SORBS2: variants seen among roughly 807,000 people sequenced by gnomAD.
SORBS2 encodes sorbin and SH3 domain-containing protein 2.
A neutral mutation model predicts 97.7 loss-of-function variants in SORBS2; 46 were observed. That is an observed-to-expected ratio of 0.47 (90% CI 0.37 to 0.60). The LOEUF (loss-of-function observed/expected upper bound fraction) is 0.60, where lower values mean the gene tolerates loss of function less well. Among genes scored for constraint, SORBS2 ranks in the 20% least tolerant of loss-of-function variants. SORBS2 has a pLI of 0.00. For missense variants in SORBS2, 1,316 were observed against 1,282.3 expected (o/e 1.03, Z -0.40); for synonymous variants, 476 against 473.4 (o/e 1.01, Z -0.07).
chr4:185,725,232 AT>A (rs2098547485), intron 2 of SORBS2, among the ~76,000 whole-genome samples: 1 of 152,180 alleles, frequency 6.6e-6, no homozygotes. Flanking sequence ...GCTATAATCC[AT>A]TAGTTACAAA....
At chr4:185,873,941 C>T (rs1292018227) in intron 1 of SORBS2, among the ~76,000 whole-genome samples, 1 of 152,006 alleles carries the variant, frequency 6.6e-6, no homozygotes, top group East Asian at 1.9e-4. Flanking sequence ...TAACTTTTTG[C>T]TTTGCTAGCT....
At chr4:185,894,063 T>C (rs2149810201) in intron 1 of SORBS2, among the ~76,000 whole-genome samples, 1 of 152,332 alleles carries the variant, frequency 6.6e-6, no homozygotes, top group South Asian at 2.1e-4. Context: ...TCAGAGCTAT[T>C]CCTGTGTTCT....
At position 185,623,677 on chromosome 4, in the gene SORBS2, G is replaced by A. The variant is rs769664741; in HGVS notation, c.1452C>T (p.His484=). ...GCTGCTCATCGCTGGTGACTTCAAT[G>A]TGAATGGGCACCAGGGCGTTAGACT... Residue 484 remains histidine (H), a synonymous_variant, in exon 7 of 15, where the codon CAC becomes CAT. Coordinates refer to ENST00000418609, the Ensembl canonical transcript of SORBS2. This position sits in a 1 kb window ranked among gnomAD's most constrained non-coding sequence, Gnocchi z 6.4. 2 of 1,614,086 alleles carry A rather than the reference G, an allele frequency of 1.2e-6. No individual in the cohort carries two copies. Among genetic ancestry groups the A allele is most frequent in the Non-Finnish European group, 8.5e-7 (1 of 1,180,036 alleles).
intron 11 of SORBS2, among the ~76,000 whole-genome samples, chr4:185,612,842 G>A (rs2096562972): frequency 1.3e-5 from 2 of 152,136 alleles, no homozygotes; most frequent in Non-Finnish European, 2.9e-5. Context: ...GAACTAAAGG[G>A]ATGGGGGAAA....
Position 185,766,159 on chromosome 4 carries a change from G to A in SORBS2, c.-198+9068C>T, listed in dbSNP as rs549882294. On this transcript the variant is annotated intron_variant, in intron 2 of 20. Coordinates refer to the SORBS2 transcript ENST00000284776. ...GCGTGGATCCCTTAGTCTGACATCT[G>A]ACATCCTTCTTGAATTTGCACTGAA... Among the ~76,000 whole-genome samples the A allele has an allele frequency of 6.6e-5, 10 of 152,274 alleles. No homozygotes were observed. The South Asian group carries it at 2.1e-3, about 32-fold the overall frequency.
At chr4:185,814,418 G>A (rs1415774306) in intron 1 of SORBS2, among the ~76,000 whole-genome samples, 3 of 151,958 alleles carry the variant, frequency 2.0e-5, no homozygotes, top group Admixed American at 6.5e-5. Context: ...GTGCACGCCT[G>A]TGGTCCCAGC....
In SORBS2 at chr4:185,755,381, ACTATC is replaced by A. The variant is rs1424648394; in HGVS notation, c.-198+19841_-198+19845del. Among the ~76,000 whole-genome samples, 3 of 152,372 alleles carry A rather than the reference ACTATC, an allele frequency of 2.0e-5. No individual in the cohort carries two copies. The East Asian group carries it at 5.8e-4, about 29-fold the overall frequency. On this transcript the variant is annotated intron_variant, in intron 2 of 20. Transcript: ENST00000284776. The stretch of plus-strand genomic sequence containing the variant: ...CACTTGGAATGTGACCATAGACTCC[ACTATC>A]CTTAGACTACATCAAAATTATGCTC...
At chr4:185,618,734 C>A (rs1435973640) in intron 8 of SORBS2, 103 bp from the exon 21 acceptor site, 2 of 592,008 alleles carry the variant, frequency 3.4e-6, no homozygotes, top group Non-Finnish European at 3.0e-6. Flanking sequence ...AGGGAATCAT[C>A]AAACATATGT....
At chr4:185,656,391 C>A (rs931340140) in intron 1 of SORBS2, among the ~76,000 whole-genome samples, 2 of 151,700 alleles carry the variant, frequency 1.3e-5, no homozygotes, top group African/African-American at 4.8e-5. Context: ...GAAGAAAATC[C>A]CCACACTTTA....
intron 1 of SORBS2, among the ~76,000 whole-genome samples, chr4:185,935,951 A>T (rs2099268729): frequency 1.3e-5 from 2 of 152,180 alleles, no homozygotes; most frequent in Admixed American, 1.3e-4. Context: ...TCCCAGGCTC[A>T]AGTGATTCTC....
chr4:185,657,311 G>T, upstream of SORBS2: 2 of 970,060 alleles, frequency 2.1e-6, no homozygotes, highest in East Asian at 3.1e-5. Flanking sequence ...CGGATGGCAC[G>T]GAGGGCAATC....
intron 2 of SORBS2, among the ~76,000 whole-genome samples, chr4:185,680,149 C>T (rs1446148990): frequency 2.0e-5 from 3 of 152,280 alleles, no homozygotes; most frequent in Admixed American, 2.0e-4. Context: ...TTGGACCCTA[C>T]TTCTAGAATT....
intron 1 of SORBS2, among the ~76,000 whole-genome samples, chr4:185,798,849 A>G (rs1323697357): frequency 1.3e-5 from 2 of 152,204 alleles, no homozygotes; most frequent in Non-Finnish European, 2.9e-5. Flanking sequence ...TTGCCCTGAT[A>G]TCAAAAGCAA....
intron 1 of SORBS2, among the ~76,000 whole-genome samples, chr4:185,830,710 C>T (rs2099204649): frequency 6.6e-6 from 1 of 152,090 alleles, no homozygotes; most frequent in African/African-American, 2.4e-5. Flanking sequence ...GTTGAAGTAA[C>T]ATGGTTAATT....
At chr4:185,615,883 A>C (rs866430831) in intron 9 of SORBS2, among the ~76,000 whole-genome samples, 3 of 152,204 alleles carry the variant, frequency 2.0e-5, no homozygotes, top group African/African-American at 7.2e-5. Context: ...TTCTAAGAAA[A>C]TTGTAGGTAT....
At chr4:185,951,833 C>A (rs1352678046) in intron 1 of SORBS2, among the ~76,000 whole-genome samples, 2 of 152,126 alleles carry the variant, frequency 1.3e-5, no homozygotes, top group Admixed American at 1.3e-4. Context: ...GGAAATAAAT[C>A]GGGTTAGTGA....
chr4:185,803,908 T>A (rs1031146893), intron 1 of SORBS2, among the ~76,000 whole-genome samples: 1 of 152,182 alleles, frequency 6.6e-6, no homozygotes, highest in African/African-American at 2.4e-5. Context: ...ACAAAGAAGA[T>A]AAGTGTGCCT....
chr4:185,953,468 C>T (rs932850698), intron 1 of SORBS2, among the ~76,000 whole-genome samples: 5 of 152,196 alleles, frequency 3.3e-5, no homozygotes, highest in Admixed American at 1.3e-4. Context: ...CAACAGCCTC[C>T]GTGCTCAGTC....
chr4:185,602,611 G>A (rs988706976), intron 12 of SORBS2, among the ~76,000 whole-genome samples: 4 of 152,278 alleles, frequency 2.6e-5, no homozygotes, highest in South Asian at 2.1e-4. Flanking sequence ...GATTTCATGC[G>A]TGCTATACTA....
Sources: allele counts gnomAD v4.1 joint callset (sites outside exome capture counted in the v4.1 genomes callset), GRCh38; gene constraint gnomAD v4.1.1; non-coding constraint Gnocchi (gnomAD v3.1); transcripts MANE v1.5; gene names NCBI Gene and HGNC (gene_info 2026-07-23, HGNC 2026-07-21).